The following RBFOX1 variants were observed in gnomAD, a reference collection of about 807,000 sequenced individuals.
The protein encoded by RBFOX1 is RNA binding fox-1 homolog 1.
Under a neutral mutation model 57.7 loss-of-function variants are expected in RBFOX1, and 8 were observed. The observed-to-expected ratio is 0.14, with a 90% CI of 0.08 to 0.25. The LOEUF (loss-of-function observed/expected upper bound fraction) is 0.25, where lower values mean the gene tolerates loss of function less well. Among genes scored for constraint, RBFOX1 ranks in the 10% least tolerant of loss-of-function variants. RBFOX1 has a pLI of 1.00. For synonymous variants in RBFOX1, 326 were observed against 222.4 expected (o/e 1.47, Z -4.15); for missense variants, 611 against 548.5 (o/e 1.11, Z -1.14).
chr16:6,746,396 G>A (rs372239124), intron 3 of RBFOX1, among the ~76,000 whole-genome samples: 22 of 152,252 alleles, frequency 1.4e-4, no homozygotes, highest in African/African-American at 4.3e-4. Flanking sequence ...AAAGTGGTGC[G>A]CTGGGCATGG....
chr16:6,067,404 C>CAA (rs1313742106), intron 1 of RBFOX1, among the ~76,000 whole-genome samples: 4 of 152,046 alleles, frequency 2.6e-5, no homozygotes, highest in Non-Finnish European at 5.9e-5. Context: ...AACAAACAAA[C>CAA]AAACACCCTG....
intron 4 of RBFOX1, among the ~76,000 whole-genome samples, chr16:5,932,151 G>C (rs547735357): frequency 6.6e-6 from 1 of 152,180 alleles, no homozygotes; most frequent in Non-Finnish European, 1.5e-5. Context: ...ATTTGGCTGG[G>C]ATTGACTTAA....
intron 2 of RBFOX1, among the ~76,000 whole-genome samples, chr16:6,559,679 T>C (rs2097154016): frequency 2.0e-5 from 3 of 152,160 alleles, no homozygotes; most frequent in Admixed American, 2.0e-4. Flanking sequence ...AATAAGTACA[T>C]AGGTATATAT....
At chr16:7,109,698 A>G (rs569555383) in intron 4 of RBFOX1, among the ~76,000 whole-genome samples, 12 of 152,274 alleles carry the variant, frequency 7.9e-5, no homozygotes, top group Middle Eastern at 3.4e-3. Flanking sequence ...AGCTGCAAGG[A>G]GTAAAGGGTC....
At chr16:6,507,427 T>G (rs1473651972) in intron 2 of RBFOX1, among the ~76,000 whole-genome samples, 1 of 143,692 alleles carries the variant, frequency 7.0e-6, no homozygotes, top group East Asian at 2.0e-4. Flanking sequence ...TCCCAACACT[T>G]TGTGAGGCTA....
Position 6,174,133 on chromosome 16 carries a change from T to G in RBFOX1, c.-126-142862T>G, listed in dbSNP as rs1484261827. ...GTTACTGGAGCTGTCTGACTTGGTT[T>G]GCACTTCTATGAGTCGGCGTCATGT... On this transcript the variant is annotated intron_variant, in intron 1 of 15. Transcript: ENST00000550418. Among the ~76,000 whole-genome samples, 4 of 152,336 alleles carry G rather than the reference T, an allele frequency of 2.6e-5. No homozygotes were observed. In the East Asian group the frequency reaches 7.7e-4, roughly 29 times the overall value.
intron 1 of RBFOX1, among the ~76,000 whole-genome samples, chr16:5,438,782 C>T (rs1166383403): frequency 6.6e-6 from 1 of 152,142 alleles, no homozygotes; most frequent in East Asian, 1.9e-4. Context: ...GCTGTTGACT[C>T]ATCCGTCCTG....
chr16:7,056,066 A>G (rs191274553), intron 4 of RBFOX1, among the ~76,000 whole-genome samples: 9 of 152,214 alleles, frequency 5.9e-5, no homozygotes, highest in Admixed American at 2.6e-4. Flanking sequence ...TGCACTGGAT[A>G]TAGTCTTTGG....
At chr16:6,962,812 C>T (rs762043315) in intron 3 of RBFOX1, among the ~76,000 whole-genome samples, 2 of 151,114 alleles carry the variant, frequency 1.3e-5, no homozygotes, top group African/African-American at 4.9e-5. Flanking sequence ...CTGCAGTGAG[C>T]TGTGATCATG....
At chr16:7,306,639 A>G (rs1182606215) in intron 4 of RBFOX1, among the ~76,000 whole-genome samples, 1 of 152,020 alleles carries the variant, frequency 6.6e-6, no homozygotes, top group Non-Finnish European at 1.5e-5. Flanking sequence ...CCTGAAGTAT[A>G]ATAAAGGCAG....
In RBFOX1 at chr16:5,903,252, C is replaced by A. The variant is rs112254750; in HGVS notation, c.351+35917C>A. On this transcript the variant is annotated intron_variant, in intron 4 of 19. Transcript: ENST00000641259. ...ACCTGCCATAATATTCTCCACTCTA[C>A]CTTGTTGCTCTGACATATTTCACCA... Among the ~76,000 whole-genome samples the A allele has an allele frequency of 5.5e-3, 842 of 152,270 alleles. 11 individuals are homozygous for A. Among genetic ancestry groups the A allele is most frequent in the African/African-American group, 0.019 (804 of 41,544 alleles).
At chr16:5,735,080 G>T (rs2052522960) in intron 3 of RBFOX1, among the ~76,000 whole-genome samples, 3 of 152,216 alleles carry the variant, frequency 2.0e-5, no homozygotes, top group African/African-American at 7.2e-5. Context: ...GCCATGCCTT[G>T]TGATCATATG....
chr16:5,463,351 A>G (rs940977763), intron 1 of RBFOX1, among the ~76,000 whole-genome samples: 2 of 152,194 alleles, frequency 1.3e-5, no homozygotes, highest in South Asian at 2.1e-4. Context: ...TGACTGTTCT[A>G]TGAAGCTGAT....
intron 4 of RBFOX1, among the ~76,000 whole-genome samples, chr16:5,944,281 A>T (rs1006809089): frequency 5.3e-5 from 8 of 152,216 alleles, no homozygotes; most frequent in African/African-American, 1.4e-4. Context: ...GCTTATCTCT[A>T]GGAATGGATG....
intron 1 of RBFOX1, among the ~76,000 whole-genome samples, chr16:5,398,114 C>T (rs2066613084): frequency 6.6e-6 from 1 of 152,178 alleles, no homozygotes; most frequent in Non-Finnish European, 1.5e-5. Flanking sequence ...AAGACCAAGA[C>T]CATCAAGAAA....
intron 2 of RBFOX1, among the ~76,000 whole-genome samples, chr16:6,503,658 C>T (rs1598396615): frequency 6.6e-6 from 1 of 152,170 alleles, no homozygotes; most frequent in African/African-American, 2.4e-5. Flanking sequence ...GACCCCAGTG[C>T]AGCAGTGTAG....
At chr16:7,519,960 A>G (rs2077177654) in intron 5 of RBFOX1, among the ~76,000 whole-genome samples, 1 of 152,072 alleles carries the variant, frequency 6.6e-6, no homozygotes, top group African/African-American at 2.4e-5. Context: ...ATCTCGGCTC[A>G]CTGCAAGCTC....
At chr16:7,172,532 C>G (rs1234547654) in intron 4 of RBFOX1, among the ~76,000 whole-genome samples, 9 of 152,256 alleles carry the variant, frequency 5.9e-5, no homozygotes, top group Admixed American at 2.0e-4. Context: ...TTAGCACTAC[C>G]TCCTGAGAAA....
rs139820545 is a variant in RBFOX1, at chr16:7,692,439, C to G, written c.995+15601C>G. Among the ~76,000 whole-genome samples the G allele has an allele frequency of 2.6e-3, 400 of 152,178 alleles. 1 individual carries two copies. The highest frequency in any genetic ancestry group is 9.1e-3 in the African/African-American group (378 of 41,546). On this transcript the variant is annotated intron_variant, in intron 14 of 15. Transcript: ENST00000550418. The stretch of plus-strand genomic sequence containing the variant: ...ACTGAAACATTTGAACAAAACCAAT[C>G]ATACTAAGAAGAAAAATGCATTTAT...
Sources: allele counts gnomAD v4.1 joint callset (sites outside exome capture counted in the v4.1 genomes callset), GRCh38; gene constraint gnomAD v4.1.1; transcripts MANE v1.5; gene names NCBI Gene and HGNC (gene_info 2026-07-23, HGNC 2026-07-21).